Variants in MBD5 observed in about 807,000 individuals in gnomAD.
MBD5 encodes the protein methyl-CpG binding domain protein 5.
Under a neutral mutation model 117.3 loss-of-function variants are expected in MBD5, and 13 were observed. That is an observed-to-expected ratio of 0.11 (90% CI 0.07 to 0.18). The LOEUF is 0.18. MBD5 is among the 10% of genes least tolerant of loss of function. The probability of loss-of-function intolerance (pLI) is 1.00; values close to 1 mark genes in which losing one functional copy is unlikely to be tolerated. For synonymous variants in MBD5, 727 were observed against 766.4 expected (o/e 0.95, Z 0.85); for missense variants, 1,879 against 2,093.8 (o/e 0.90, Z 2.00).
chr2:148,259,707 C>G (rs1700685484), intron 3 of MBD5, among the ~76,000 whole-genome samples: 1 of 152,126 alleles, frequency 6.6e-6, no homozygotes, highest in Non-Finnish European at 1.5e-5. Flanking sequence ...CTTTTACAGA[C>G]AATAGTGGCT....
chr2:148,245,438 T>C (rs1192010412), intron 3 of MBD5, among the ~76,000 whole-genome samples: 1 of 151,988 alleles, frequency 6.6e-6, no homozygotes, highest in African/African-American at 2.4e-5. Context: ...TTTTTTTTAA[T>C]TAGCTGAGTG....
rs540825363 is a variant in MBD5, at chr2:148,182,756, A to G, written c.-831+3963A>G. On this transcript the variant is annotated intron_variant, in intron 2 of 13. Transcript: ENST00000642680. Reference sequence around the variant, plus strand: ...CCAATGGCTTTTGATGGCAGCTGGTATTCTTCTCACCCTCAGGTATACCTC... The same window carrying G: ...CCAATGGCTTTTGATGGCAGCTGGTGTTCTTCTCACCCTCAGGTATACCTC... Among the ~76,000 whole-genome samples, 127 of 152,196 alleles carry G rather than the reference A, an allele frequency of 8.3e-4. 1 individual carries two copies. The highest frequency in any genetic ancestry group is 1.8e-3 in the Non-Finnish European group (120 of 68,014).
chr2:148,338,889 G>A (rs1702868797), intron 3 of MBD5, among the ~76,000 whole-genome samples: 1 of 152,176 alleles, frequency 6.6e-6, no homozygotes, highest in Non-Finnish European at 1.5e-5. Context: ...GTGGCAAACT[G>A]AATTGTATGA....
At chr2:148,042,984 T>C (rs1366886537) in intron 1 of MBD5, among the ~76,000 whole-genome samples, 1 of 152,138 alleles carries the variant, frequency 6.6e-6, no homozygotes, top group Admixed American at 6.5e-5. Flanking sequence ...ATGTCTTGTA[T>C]AAAAAATTTT....
intron 3 of MBD5, among the ~76,000 whole-genome samples, chr2:148,267,379 G>A (rs1464320642): frequency 1.3e-5 from 2 of 152,120 alleles, no homozygotes; most frequent in Non-Finnish European, 2.9e-5. Flanking sequence ...CCCAAATAAA[G>A]ATCAGATGGG....
At chr2:148,419,988 T>A (rs888420902) in intron 4 of MBD5, among the ~76,000 whole-genome samples, 29 of 152,302 alleles carry the variant, frequency 1.9e-4, no homozygotes, top group African/African-American at 7.0e-4. Context: ...TCCTTCTCTA[T>A]TCATCCAAGG....
At chr2:148,095,265 T>C (rs1404850238) in intron 1 of MBD5, among the ~76,000 whole-genome samples, 1 of 152,158 alleles carries the variant, frequency 6.6e-6, no homozygotes, top group African/African-American at 2.4e-5. Context: ...TCAGATAACA[T>C]TTTTTAAAGT....
rs1431729352 is a variant in MBD5 at position 148,272,233 on chromosome 2, A to G, written c.-680+38838A>G. 2.0e-5 allele frequency among the ~76,000 whole-genome samples: 3 copies of G among 152,222 alleles called. No homozygotes were observed. In the East Asian group the frequency reaches 5.8e-4, roughly 29 times the overall value. The stretch of plus-strand genomic sequence containing the variant: ...ATTCCATATCTTGGCTATTAGTTGT[A>G]TAATGCTACAGTGATCATTGGAATG... On this transcript the variant is annotated intron_variant, in intron 3 of 13. Coordinates refer to ENST00000642680, the MANE Select transcript of MBD5 (RefSeq NM_001378120.1).
chr2:148,160,987 C>T (rs1055771716), intron 1 of MBD5, among the ~76,000 whole-genome samples: 1 of 152,162 alleles, frequency 6.6e-6, no homozygotes, highest in Non-Finnish European at 1.5e-5. Context: ...GGAGAAGACT[C>T]ATTTTCTTGC....
chr2:148,407,197 AG>A (rs1408968143), intron 4 of MBD5, among the ~76,000 whole-genome samples: 1 of 152,244 alleles, frequency 6.6e-6, no homozygotes, highest in Non-Finnish European at 1.5e-5. Context: ...AAGATGAAAA[AG>A]ATGAACATAA....
intron 1 of MBD5, among the ~76,000 whole-genome samples, chr2:148,147,737 G>C (rs1484261221): frequency 6.6e-6 from 1 of 152,168 alleles, no homozygotes; most frequent in East Asian, 1.9e-4. Context: ...CTAATGATTA[G>C]TGGGAGATTA....
chr2:148,166,545 G>C (rs1574087175), intron 1 of MBD5, among the ~76,000 whole-genome samples: 1 of 152,146 alleles, frequency 6.6e-6, no homozygotes, highest in South Asian at 2.1e-4. Flanking sequence ...CTGTTTTGAT[G>C]CTCTAGTCAC....
At chr2:148,426,345 T>A (rs1370535959) in intron 4 of MBD5, among the ~76,000 whole-genome samples, 12 of 152,004 alleles carry the variant, frequency 7.9e-5, no homozygotes, top group Non-Finnish European at 1.3e-4. Context: ...CATCGCAAAG[T>A]CAATCCTAAG....
At chr2:148,273,045 G>A (rs1271680349) in intron 3 of MBD5, among the ~76,000 whole-genome samples, 1 of 152,078 alleles carries the variant, frequency 6.6e-6, no homozygotes, top group Non-Finnish European at 1.5e-5. Context: ...ATTTTATGCT[G>A]TTTTTTACAC....
intron 1 of MBD5, among the ~76,000 whole-genome samples, chr2:148,123,331 A>G (rs1343082839): frequency 1.3e-5 from 2 of 152,236 alleles, no homozygotes; most frequent in African/African-American, 4.8e-5. Flanking sequence ...TAGAAACATA[A>G]TGTAGAAAGC....
chr2:148,495,252 A>C (rs1364284760), intron 11 of MBD5, among the ~76,000 whole-genome samples: 1 of 152,168 alleles, frequency 6.6e-6, no homozygotes, highest in Non-Finnish European at 1.5e-5. Context: ...CCTATGCAAC[A>C]ATGGAGGAAA....
At chr2:148,426,288 T>C (rs1254041246) in intron 4 of MBD5, among the ~76,000 whole-genome samples, 7 of 152,092 alleles carry the variant, frequency 4.6e-5, no homozygotes. Flanking sequence ...CTTCACAGAA[T>C]TGGAAAAAAC....
chr2:148,148,528 G>C (rs1429271183), intron 1 of MBD5, among the ~76,000 whole-genome samples: 4 of 152,232 alleles, frequency 2.6e-5, no homozygotes, highest in Non-Finnish European at 4.4e-5. Flanking sequence ...ATGTTTGCCA[G>C]TGTTATTACC....
intron 1 of MBD5, chr2:148,027,451 T>C (rs542781420): frequency 5.9e-5 from 9 of 152,124 alleles, no homozygotes; most frequent in Non-Finnish European, 1.3e-4. Context: ...TAAGTAACTT[T>C]TGTGTCTCTT....
Sources: allele counts gnomAD v4.1 joint callset (sites outside exome capture counted in the v4.1 genomes callset), GRCh38; gene constraint gnomAD v4.1.1; transcripts MANE v1.5; gene names NCBI Gene and HGNC (gene_info 2026-07-23, HGNC 2026-07-21).